Variants in RASGRF2 observed in about 807,000 individuals in gnomAD.
RASGRF2 encodes the protein ras-specific guanine nucleotide-releasing factor 2.
RASGRF2 carries 76 observed loss-of-function variants against 151.0 expected under a neutral mutation model. That is an observed-to-expected ratio of 0.50 (90% CI 0.42 to 0.61). The LOEUF is 0.61. RASGRF2 is among the 20% of genes least tolerant of loss of function. The pLI, the probability that RASGRF2 is intolerant of heterozygous loss-of-function variation, is 0.00. For synonymous variants in RASGRF2, 504 were observed against 566.5 expected (o/e 0.89, Z 1.57); for missense variants, 1,148 against 1,564.6 (o/e 0.73, Z 4.49).
At chr5:81,178,838 A>G (rs953462541) in intron 17 of RASGRF2, among the ~76,000 whole-genome samples, 6 of 152,038 alleles carry the variant, frequency 3.9e-5, no homozygotes, top group African/African-American at 1.2e-4. Flanking sequence ...CCCCGGGTTC[A>G]CGCCATTCTC....
In RASGRF2 at chr5:81,112,721, A is replaced by G. The variant is rs1231491054; in HGVS notation, c.1950A>G (p.Arg650=). Residue 650 remains arginine (R), a synonymous_variant, in exon 14 of 27, where the codon CGA becomes CGG. Coordinates refer to ENST00000265080, the MANE Select transcript of RASGRF2 (RefSeq NM_006909.3). ...RYASVERLLE[R]LTDLRFLSID... is the part of the protein sequence containing the mutation. Reference sequence around the variant, plus strand: ...CCAGCGTGGAGCGCCTCTTGGAACGACTGACAGACTTGCGGTTTCTTAGTA... The same window carrying G: ...CCAGCGTGGAGCGCCTCTTGGAACGGCTGACAGACTTGCGGTTTCTTAGTA... 1 of 1,614,052 alleles carries G rather than the reference A, an allele frequency of 6.2e-7. No individual in the cohort carries two copies. The highest frequency in any genetic ancestry group is 2.2e-5 in the East Asian group (1 of 44,892).
chr5:81,217,040 G>A (rs1755754922), intron 24 of RASGRF2: 1 of 443,294 alleles, frequency 2.3e-6, no homozygotes, highest in Non-Finnish European at 4.5e-6. Flanking sequence ...CCTCAAAAAA[G>A]TGTGGGCAGT....
Position 80,960,645 on chromosome 5 carries a change from C to T in RASGRF2, c.-94C>T. ...GGGGGCGCCCTTCGCCGGCCGGGAC[C>T]TGAGCGGTCGCGCCCTCGAGGGAGC... On this transcript the variant is annotated 5_prime_UTR_variant, in exon 1 of 27. Transcript: ENST00000265080. The surrounding 1 kb of genome is among the most constrained non-coding windows in gnomAD (Gnocchi z 5.5). 1 of 1,185,026 alleles carries T rather than the reference C, an allele frequency of 8.4e-7. No individual in the cohort carries two copies. The highest frequency in any genetic ancestry group is 1.1e-6 in the Non-Finnish European group (1 of 928,080). 73.4% of individuals were successfully genotyped at this position (1,185,026 alleles called of 1,614,324 possible).
chr5:81,225,020 T>G (rs557998390), intron 26 of RASGRF2, among the ~76,000 whole-genome samples: 1 of 152,206 alleles, frequency 6.6e-6, no homozygotes, highest in Middle Eastern at 3.2e-3. Flanking sequence ...TATATTTCAA[T>G]AAAACTAAAG....
rs1749174874 is a variant in RASGRF2 at position 81,003,763 on chromosome 5, A to G, written c.289-39114A>G. 2.0e-5 allele frequency among the ~76,000 whole-genome samples: 3 copies of G among 152,340 alleles called. No individual in the cohort carries two copies. The South Asian group carries it at 6.2e-4, about 32-fold the overall frequency. On this transcript the variant is annotated intron_variant, in intron 1 of 26. Coordinates refer to ENST00000265080, the MANE Select transcript of RASGRF2 (RefSeq NM_006909.3). The stretch of plus-strand genomic sequence containing the variant: ...TTTACTTGCAGGTATCAAAATAGAA[A>G]TCTGTGTAACACAGGGCCAGTGCTG...
chr5:81,177,140 T>C (rs538689587), intron 17 of RASGRF2, among the ~76,000 whole-genome samples: 1 of 152,360 alleles, frequency 6.6e-6, no homozygotes, highest in Non-Finnish European at 1.5e-5. Flanking sequence ...GACTTGGTTC[T>C]GCTTTTCAGA....
intron 17 of RASGRF2, among the ~76,000 whole-genome samples, chr5:81,139,583 C>T (rs977230675): frequency 6.6e-6 from 1 of 151,750 alleles, no homozygotes; most frequent in Non-Finnish European, 1.5e-5. Context: ...CCAGGCTGTT[C>T]TTTCTTGCTT....
intron 12 of RASGRF2, among the ~76,000 whole-genome samples, chr5:81,103,394 A>G (rs1268749118): frequency 6.6e-6 from 1 of 152,072 alleles, no homozygotes; most frequent in Non-Finnish European, 1.5e-5. Flanking sequence ...ATTCTAGGAA[A>G]TTACCTCAAA....
Position 81,187,865 on chromosome 5 carries a change from T to A in RASGRF2, c.2793+7584T>A, listed in dbSNP as rs368510561. Among the ~76,000 whole-genome samples the A allele has an allele frequency of 5.1e-4, 77 of 152,354 alleles. 1 individual carries two copies. The highest frequency in any genetic ancestry group is 1.8e-3 in the African/African-American group (74 of 41,584). ...GCGGCTTCTAAATTTTTTTGTTGACTATTTGGCATTGCCTAGTGAAACACA... is the reference window on the plus strand; with the variant it reads ...GCGGCTTCTAAATTTTTTTGTTGACAATTTGGCATTGCCTAGTGAAACACA... On this transcript the variant is annotated intron_variant, in intron 18 of 26. Coordinates refer to ENST00000265080, the MANE Select transcript of RASGRF2 (RefSeq NM_006909.3).
At chr5:81,201,277 T>C (rs1755388061) in intron 18 of RASGRF2, 53 bp from the exon 19 acceptor site, 8 of 1,568,958 alleles carry the variant, frequency 5.1e-6, no homozygotes, top group Middle Eastern at 3.5e-4. Context: ...TCATGTGTCA[T>C]AGAGCTAACC....
chr5:81,095,905 G>A (rs1464477300), intron 12 of RASGRF2, among the ~76,000 whole-genome samples: 1 of 152,122 alleles, frequency 6.6e-6, no homozygotes, highest in Non-Finnish European at 1.5e-5. Context: ...ATTTGTCAAA[G>A]AAGTTTTACA....
intron 25 of RASGRF2, among the ~76,000 whole-genome samples, chr5:81,219,421 C>T (rs1019967778): frequency 7.2e-5 from 11 of 152,134 alleles, no homozygotes; most frequent in African/African-American, 2.4e-4. Context: ...AAGCAAGGAG[C>T]CCACGGATGA....
At chr5:81,144,475 A>G (rs992528750) in intron 17 of RASGRF2, among the ~76,000 whole-genome samples, 5 of 152,224 alleles carry the variant, frequency 3.3e-5, no homozygotes, top group Admixed American at 6.5e-5. Context: ...ACATAAGGCG[A>G]TAACTTGATA....
At chr5:81,078,334 G>T (rs1751994894) in intron 5 of RASGRF2, among the ~76,000 whole-genome samples, 1 of 152,174 alleles carries the variant, frequency 6.6e-6, no homozygotes, top group Non-Finnish European at 1.5e-5. Context: ...AATAATAGAA[G>T]TTATTCCTTC....
In RASGRF2 at chr5:81,126,696, G is replaced by A. The variant is rs76928343; in HGVS notation, c.2597-378G>A. On this transcript the variant is annotated intron_variant, in intron 16 of 26. Transcript: ENST00000265080. ...TGTGATTGGCTCCTTCTTTAACTTGGCATGTTTTCCAAGTTTATCCATGTT... is the reference window on the plus strand; with the variant it reads ...TGTGATTGGCTCCTTCTTTAACTTGACATGTTTTCCAAGTTTATCCATGTT... 8.1e-3 allele frequency among the ~76,000 whole-genome samples: 1,234 copies of A among 152,220 alleles called. 32 individuals are homozygous for A. The highest frequency in any genetic ancestry group is 0.054 in the Admixed American group (824 of 15,294).
At chr5:81,010,312 G>A (rs1003242259) in intron 1 of RASGRF2, among the ~76,000 whole-genome samples, 3 of 152,018 alleles carry the variant, frequency 2.0e-5, no homozygotes, top group Non-Finnish European at 4.4e-5. Flanking sequence ...TTTCACGGAC[G>A]AAAAACTCAA....
At position 81,206,850 on chromosome 5, in the gene RASGRF2, T is replaced by C. The variant is rs1454556237; in HGVS notation, c.2912T>C (p.Leu971Pro). ...RKAAANILRALSQDDQDDIHL... is the reference protein window; with the variant it reads ...RKAAANILRAPSQDDQDDIHL... ...TAATTTGATATCTTTTTCAGGGCCC[T>C]TTCACAAGATGACCAAGATGACATC... The change falls in exon 20 of 27, where the codon CTT becomes CCT. Residue 971 changes from leucine to proline, a missense_variant. This residue lies in a region of RASGRF2 where 646 missense variants were observed against 807.4 expected (regional missense o/e 0.80). Transcript: ENST00000265080. The C allele has an allele frequency of 1.9e-6, 3 of 1,608,514 alleles. No homozygotes were observed. In the Admixed American group the frequency reaches 5.0e-5, roughly 27 times the overall value.
At chr5:80,977,023 T>C (rs74882731) in intron 1 of RASGRF2, among the ~76,000 whole-genome samples, 3,190 of 152,298 alleles carry the variant, frequency 0.021, 125 homozygotes, top group African/African-American at 0.073. Context: ...TGTATTTGTT[T>C]TGTTGGCAAG....
rs1229783790 is a variant in RASGRF2 at position 81,094,160 on chromosome 5, CT to C, written c.1552-135del. On this transcript the variant is annotated intron_variant, in intron 10 of 26. Transcript: ENST00000265080. ...TTGCACATCTAAGTTTAATTTTGGG[CT>C]CTATGAAAAATTATTTATGATGCAG... 5.0e-5 allele frequency: 32 copies of C among 635,566 alleles called. No homozygotes were observed. In the East Asian group the frequency reaches 9.4e-4, roughly 19 times the overall value. 39.4% of individuals were successfully genotyped at this position (635,566 alleles called of 1,614,324 possible). A position where few individuals can be genotyped will look rare whatever the true frequency, so the allele number is the denominator to read the frequency against.
Sources: allele counts gnomAD v4.1 joint callset (sites outside exome capture counted in the v4.1 genomes callset), GRCh38; gene constraint gnomAD v4.1.1; regional missense constraint gnomAD v4.1.1; non-coding constraint Gnocchi (gnomAD v3.1); transcripts MANE v1.5; gene names NCBI Gene and HGNC (gene_info 2026-07-23, HGNC 2026-07-21).